PTPRN: variants seen among roughly 807,000 people sequenced by gnomAD.
PTPRN encodes receptor-type tyrosine-protein phosphatase-like N.
A neutral mutation model predicts 108.5 loss-of-function variants in PTPRN; 70 were observed. That is an observed-to-expected ratio of 0.65 (90% CI 0.53 to 0.79). PTPRN has a LOEUF of 0.79. Among genes scored for constraint, PTPRN ranks in the 30% least tolerant of loss-of-function variants. PTPRN has a pLI of 0.00. For synonymous variants in PTPRN, 496 were observed against 524.6 expected, an observed-to-expected ratio of 0.95 and a Z score of 0.75; for missense variants, 1,136 against 1,295.5, an observed-to-expected ratio of 0.88 and a Z score of 1.89.
Position 219,290,854 on chromosome 2 carries a change from G to C in PTPRN, c.2766C>G (p.Ile922Met), listed in dbSNP as rs765964509. Residue 922 changes from isoleucine (I) to methionine (M), a missense_variant, in exon 21 of 23, where the codon ATC becomes ATG. By Grantham distance (10) the Ile-to-Met change is conservative. Coordinates refer to ENST00000295718, the MANE Select transcript of PTPRN (RefSeq NM_002846.4). This position sits in a 1 kb window ranked among gnomAD's most constrained non-coding sequence, Gnocchi z 4.2. The stretch of plus-strand genomic sequence containing the variant: ...TTGCCATGCGGTTCAGGACCATGTC[G>C]ATGAGGATGTAGGTGCCGGTCCTCC... ...GAGRTGTYILIDMVLNRMAKG... is the reference protein window; with the variant it reads ...GAGRTGTYILMDMVLNRMAKG... 4 of 1,614,046 alleles carry C rather than the reference G, an allele frequency of 2.5e-6. No homozygotes were observed. The highest frequency in any genetic ancestry group is 3.4e-6 in the Non-Finnish European group (4 of 1,180,040).
intron 20 of PTPRN, 148 bp downstream of exon 20, chr2:219,291,322 C>T (rs1952049447): frequency 2.4e-6 from 2 of 843,790 alleles, no homozygotes; most frequent in South Asian, 1.4e-5. Context: ...GTGAATGCCA[C>T]GCTTAGGTCT....
chr2:219,300,795 C>A, intron 8 of PTPRN, 148 bp downstream of exon 8: 1 of 798,908 alleles, frequency 1.3e-6, no homozygotes, highest in South Asian at 1.7e-5. Flanking sequence ...AGACCTTAGG[C>A]AATAACTTGC....
In PTPRN at chr2:219,302,583, A is replaced by G; in HGVS notation, c.632T>C (p.Phe211Ser). 2 of 1,614,010 alleles carry G rather than the reference A, an allele frequency of 1.2e-6. No homozygotes were observed. The highest frequency in any genetic ancestry group is 1.7e-6 in the Non-Finnish European group (2 of 1,179,962). ...CCAGAGTCAAGGACTTACCTGGTGG[A>G]ACAGGTAGGGCTGCAGCAAGGCAGG... Reference protein sequence around the residue: ...YEPALLQPYLFHQFGSRDGSR... With the variant: ...YEPALLQPYLSHQFGSRDGSR... Residue 211 changes from phenylalanine (F) to serine (S), a missense_variant, in exon 5 of 23, where the codon TTC becomes TCC. Phe to Ser is a radical substitution (Grantham distance 155). Coordinates refer to ENST00000295718, the MANE Select transcript of PTPRN (RefSeq NM_002846.4).
rs13025501 is a variant in PTPRN, at chr2:219,303,577, T to C, written c.377+158A>G. Among the ~76,000 whole-genome samples, 970 of 152,356 alleles carry C rather than the reference T, an allele frequency of 6.4e-3. 5 individuals are homozygous for C. The highest frequency in any genetic ancestry group is 9.9e-3 in the Non-Finnish European group (674 of 68,032). ...AGATGAGCTCAGCTCCTCTTGGTCA[T>C]GTGAGCATGTCAGAGAGTGACCATT... On this transcript the variant is annotated intron_variant, in intron 4 of 22. Coordinates refer to ENST00000295718, the MANE Select transcript of PTPRN (RefSeq NM_002846.4).
At chr2:219,308,222 G>T (rs190145691) in intron 1 of PTPRN, 71 of 221,864 alleles carry the variant, frequency 3.2e-4, no homozygotes, top group Non-Finnish European at 5.6e-4. Flanking sequence ...CTCAGAAGAG[G>T]TTCTAGCACA....
At chr2:219,307,403 C>G (rs758093658) in intron 3 of PTPRN, 41 bp downstream of exon 3, 11 of 1,548,950 alleles carry the variant, frequency 7.1e-6, no homozygotes, top group Non-Finnish European at 8.9e-6. Context: ...CCATAACTAA[C>G]CAAGTTCCAA....
In PTPRN at chr2:219,301,676, C is replaced by T. The variant is rs771544693; in HGVS notation, c.1038G>A (p.Gly346=). Residue 346 remains glycine (G), a synonymous_variant, in exon 7 of 23, where the codon GGG becomes GGA. Transcript: ENST00000295718. ...QRLAAVLAGY[G]VELRQLTPEQ... is the part of the protein sequence containing the mutation. ...CAGGGGTCAGCTGACGCAGCTCTACCCCATAGCCCGCCAGCACAGCGGCCA... is the reference window on the plus strand; with the variant it reads ...CAGGGGTCAGCTGACGCAGCTCTACTCCATAGCCCGCCAGCACAGCGGCCA... 2.5e-6 allele frequency: 4 copies of T among 1,613,036 alleles called. No homozygotes were observed. Among genetic ancestry groups the T allele is most frequent in the Non-Finnish European group, 1.7e-6 (2 of 1,179,216 alleles).
rs759154553 is a variant in PTPRN at position 219,300,172 on chromosome 2, T to C, written c.1249A>G (p.Thr417Ala). 1 of 1,613,020 alleles carries C rather than the reference T, an allele frequency of 6.2e-7. No individual in the cohort carries two copies. The highest frequency in any genetic ancestry group is 8.5e-7 in the Non-Finnish European group (1 of 1,179,460). The change falls in exon 9 of 23, where the codon ACC (threonine) becomes GCC (alanine). Residue 417 changes from threonine (T) to alanine (A), a missense_variant. Coordinates refer to ENST00000295718, the MANE Select transcript of PTPRN (RefSeq NM_002846.4). Reference protein sequence around the residue: ...PMPGHPTASPTSSEVQQVPSP... With the variant: ...PMPGHPTASPASSEVQQVPSP... The stretch of plus-strand genomic sequence containing the variant: ...GGCACCTGCTGGACTTCACTGGAGG[T>C]AGGGCTGGCAGTGGGGTGTCCAGGC...
rs538027182 is a variant in PTPRN at position 219,294,471 on chromosome 2, GAC to G, written c.2675+502_2675+503del. On this transcript the variant is annotated intron_variant, in intron 19 of 22. Coordinates refer to ENST00000295718, the MANE Select transcript of PTPRN (RefSeq NM_002846.4). Reference sequence around the variant, plus strand: ...AAAGAGGAAAGGAAAAAGAATGAAAGACACAGAAAAAAGAGGCGAAGAGACGG... The same window carrying G: ...AAAGAGGAAAGGAAAAAGAATGAAAGACAGAAAAAAGAGGCGAAGAGACGG... Among the ~76,000 whole-genome samples the G allele has an allele frequency of 1.7e-3, 249 of 146,564 alleles. 7 individuals carry two copies. Among genetic ancestry groups the G allele is most frequent in the Admixed American group, 2.9e-3 (44 of 15,024 alleles).
intron 1 of PTPRN, chr2:219,308,046 G>A: frequency 1.7e-6 from 1 of 592,748 alleles, no homozygotes; most frequent in South Asian, 2.1e-5. Flanking sequence ...GAATTTGTGA[G>A]TCTGTATCCT....
At chr2:219,301,454 C>A (rs1952343887) in intron 7 of PTPRN, 134 bp downstream of exon 7, 1 of 1,292,790 alleles carries the variant, frequency 7.7e-7, no homozygotes. Flanking sequence ...GGCAATGACC[C>A]TATGTCTCAA....
In PTPRN at chr2:219,295,304, C is replaced by T. The variant is rs1054979607; in HGVS notation, c.2509-163G>A. On this transcript the variant is annotated intron_variant, in intron 18 of 22. Transcript: ENST00000295718. ...TCCCAGGAACCCTGGCTGCCTGTCACTTATCTACTGCTCAGGACCACTAGT... is the reference window on the plus strand; with the variant it reads ...TCCCAGGAACCCTGGCTGCCTGTCATTTATCTACTGCTCAGGACCACTAGT... 3.1e-5 allele frequency: 21 copies of T among 675,934 alleles called. No individual in the cohort carries two copies. In the African/African-American group the frequency reaches 3.7e-4, roughly 12 times the overall value. The allele number at this position is 675,934 out of a possible 1,614,324, so 41.9% of individuals were successfully genotyped here.
chr2:219,304,528 T>C (rs1427058596), intron 3 of PTPRN, among the ~76,000 whole-genome samples: 2 of 152,152 alleles, frequency 1.3e-5, no homozygotes, highest in Non-Finnish European at 2.9e-5. Context: ...CAGTCACTTA[T>C]TCTAAAGGAA....
At chr2:219,301,762 G>C (rs747875424) in intron 6 of PTPRN, 43 bp from the exon 7 acceptor site, 1 of 1,576,328 alleles carries the variant, frequency 6.3e-7, no homozygotes, top group Non-Finnish European at 8.7e-7. Context: ...ATTGCGCAGT[G>C]AACTTGAGGG....
chr2:219,309,117 C>G (rs1419916646), intron 1 of PTPRN, 101 bp downstream of exon 1: 1 of 1,488,246 alleles, frequency 6.7e-7, no homozygotes, highest in South Asian at 1.2e-5. Context: ...ATATTCTCCC[C>G]GAGCTTCATG....
Position 219,289,918 on chromosome 2 carries a change from G to A in PTPRN, c.*308C>T. 2.8e-6 allele frequency: 1 copy of A among 360,762 alleles called. No individual in the cohort carries two copies. 22.3% of individuals were successfully genotyped at this position (360,762 alleles called of 1,614,324 possible). A position where few individuals can be genotyped will look rare whatever the true frequency, so the allele number is the denominator to read the frequency against. Reference sequence around the variant, plus strand: ...AGGGAACTCCCAGAACCCCAGGAGAGCTACAGGAGAGCCAGGCCAGGGAAT... The same window carrying A: ...AGGGAACTCCCAGAACCCCAGGAGAACTACAGGAGAGCCAGGCCAGGGAAT... On this transcript the variant is annotated 3_prime_UTR_variant, in exon 23 of 23. Transcript: ENST00000295718.
In PTPRN at chr2:219,309,288, AC is replaced by A. The variant is rs1260317367; in HGVS notation, c.44del (p.Gly15ValfsTer11). On this transcript the variant is annotated frameshift_variant, in exon 1 of 23. Transcript: ENST00000295718. LOFTEE classifies it high-confidence loss of function. ...GCAGGAGGCAGAGGAGCAGCCGGAG[AC>A]CCCCGGATCCCCCGAGACCCCCAGG... Reference protein sequence around the residue: ...RRPGGLGGSGGLRLLLCLLLL... With the variant: ...RRPGGLGGSGXLRLLLCLLLL... 2 of 1,517,186 alleles carry A rather than the reference AC, an allele frequency of 1.3e-6. No homozygotes were observed. Among genetic ancestry groups the A allele is most frequent in the South Asian group, 1.2e-5 (1 of 82,822 alleles). The allele number at this position is 1,517,186 out of a possible 1,614,324, so 94.0% of individuals were successfully genotyped here.
intron 4 of PTPRN, among the ~76,000 whole-genome samples, chr2:219,303,286 G>A (rs1358010228): frequency 1.3e-5 from 2 of 152,138 alleles, no homozygotes; most frequent in Non-Finnish European, 1.5e-5. Flanking sequence ...CTTCATCCTG[G>A]TATCATCATC....
chr2:219,307,723 CT>C, intron 2 of PTPRN, 68 bp downstream of exon 2: 1 of 1,572,422 alleles, frequency 6.4e-7, no homozygotes. Context: ...TGGGCCTTCT[CT>C]CCCCTTCTTG....
Sources: gnomAD v4.1 joint callset for allele counts (sites outside exome capture counted in the v4.1 genomes callset) on GRCh38, gnomAD v4.1.1 for gene constraint, Gnocchi (gnomAD v3.1) non-coding constraint, MANE v1.5 for transcripts, NCBI Gene and HGNC (gene_info 2026-07-23, HGNC 2026-07-21) for gene names.